Variants in CALD1 observed in about 807,000 individuals in gnomAD.
The protein encoded by CALD1 is caldesmon.
Under a neutral mutation model 99.9 loss-of-function variants are expected in CALD1, and 33 were observed. The ratio of observed to expected loss-of-function variants is 0.33; its 90% CI spans 0.25 to 0.44. CALD1 has a LOEUF of 0.44. Among genes scored for constraint, CALD1 ranks in the 20% least tolerant of loss-of-function variants. The probability of loss-of-function intolerance (pLI) is 1.00; values close to 1 mark genes in which losing one functional copy is unlikely to be tolerated. For missense variants in CALD1, 861 were observed against 962.1 expected (o/e 0.89, Z 1.39); for synonymous variants, 310 against 325.0 (o/e 0.95, Z 0.50).
chr7:134,943,796 CGTGT>C (rs893685099), intron 7 of CALD1, among the ~76,000 whole-genome samples: 2 of 152,046 alleles, frequency 1.3e-5, no homozygotes, highest in African/African-American at 4.8e-5. Flanking sequence ...GTAGTATATA[CGTGT>C]GTGAGTATAC....
intron 13 of CALD1, 139 bp from the exon 14 acceptor site, chr7:134,965,167 T>C: frequency 1.6e-6 from 1 of 636,114 alleles, no homozygotes; most frequent in Non-Finnish European, 2.9e-6. Flanking sequence ...GTCCTTTCAA[T>C]TCCATTTCAG....
chr7:134,767,271 G>A lies in CALD1; in HGVS notation c.-130+22908G>A, dbSNP rs1218932990. Reference sequence around the variant, plus strand: ...CAAACCTCAGCAGAGCTTGATCAGTGGTTAGACGCATCTATATCACACAGT... The same window carrying A: ...CAAACCTCAGCAGAGCTTGATCAGTAGTTAGACGCATCTATATCACACAGT... On this transcript the variant is annotated intron_variant, in intron 1 of 13. Transcript: ENST00000417172. Among the ~76,000 whole-genome samples, 4 of 151,968 alleles carry A rather than the reference G, an allele frequency of 2.6e-5. No homozygotes were observed. The East Asian group carries it at 7.7e-4, about 29-fold the overall frequency.
Position 134,779,745 on chromosome 7 carries a change from A to G in CALD1, c.-134A>G, listed in dbSNP as rs1350893844. On this transcript the variant is annotated 5_prime_UTR_variant, in exon 1 of 15. Coordinates refer to ENST00000361675, the MANE Select transcript of CALD1 (RefSeq NM_033138.4). ...AGTCCTCGGGAAGAAGTTTCAGACT[A>G]CAAGGTAAGGCACAGAAGGCTTTCT... 1.0e-5 allele frequency: 4 copies of G among 398,586 alleles called. No homozygotes were observed. The highest frequency in any genetic ancestry group is 1.3e-3 in the Middle Eastern group (2 of 1,590). The allele number at this position is 398,586 out of a possible 1,614,324, so 24.7% of individuals were successfully genotyped here. A position where few individuals can be genotyped will look rare whatever the true frequency, so the allele number is the denominator to read the frequency against.
chr7:134,964,122 G>A (rs1348519085), intron 13 of CALD1, among the ~76,000 whole-genome samples: 6 of 152,118 alleles, frequency 3.9e-5, no homozygotes, highest in Non-Finnish European at 7.4e-5. Context: ...GCTTGAACCC[G>A]GGAGTCGGAG....
chr7:134,846,934 G>A (rs1799875082), intron 2 of CALD1, among the ~76,000 whole-genome samples: 1 of 152,340 alleles, frequency 6.6e-6, no homozygotes, highest in South Asian at 2.1e-4. Flanking sequence ...AATGAGAAAT[G>A]TTGAAAGCAA....
Position 134,938,588 on chromosome 7 carries a change from T to C in CALD1, c.1387-2504T>C, listed in dbSNP as rs551996233. Among the ~76,000 whole-genome samples the C allele has an allele frequency of 3.9e-4, 59 of 152,290 alleles. 1 individual carries two copies. Among genetic ancestry groups the C allele is most frequent in the African/African-American group, 1.4e-3 (58 of 41,548 alleles). ...AGTCTGACCTATAAGATCTAATGCCTTTCCCAGGGGGCTCAGAATCCCATG... is the reference window on the plus strand; with the variant it reads ...AGTCTGACCTATAAGATCTAATGCCCTTCCCAGGGGGCTCAGAATCCCATG... On this transcript the variant is annotated intron_variant, in intron 6 of 14. Transcript: ENST00000361675.
the CALD1 span, among the ~76,000 whole-genome samples, chr7:134,716,957 A>G: frequency 6.6e-6 from 1 of 152,226 alleles, no homozygotes; most frequent in Non-Finnish European, 1.5e-5. Flanking sequence ...TCTCAAATAT[A>G]ACAAGGTTTG....
chr7:134,866,733 A>G (rs1800817509), intron 2 of CALD1: 1 of 152,112 alleles, frequency 6.6e-6, no homozygotes, highest in South Asian at 2.1e-4. Context: ...CTGTGATTCG[A>G]GCGCAGCAGA....
chr7:134,711,660 C>CTCTCTATATA, the CALD1 span, among the ~76,000 whole-genome samples: 104 of 78,304 alleles, frequency 1.3e-3, no homozygotes, highest in Middle Eastern at 5.7e-3. Flanking sequence ...CTCTCTCTCT[C>CTCTCTATATA]TATATATATA....
chr7:134,859,488 T>C (rs565578719), intron 2 of CALD1, among the ~76,000 whole-genome samples: 1 of 152,332 alleles, frequency 6.6e-6, no homozygotes, highest in South Asian at 2.1e-4. Flanking sequence ...GAAAAGTATT[T>C]AAATGCTTGA....
At chr7:134,854,657 T>TGG (rs1194344463) in intron 2 of CALD1, among the ~76,000 whole-genome samples, 1 of 152,204 alleles carries the variant, frequency 6.6e-6, no homozygotes, top group East Asian at 1.9e-4. Context: ...GTCATATAGC[T>TGG]GGCCCGGATT....
chr7:134,925,715 C>T (rs1804954892), intron 3 of CALD1, among the ~76,000 whole-genome samples: 1 of 152,198 alleles, frequency 6.6e-6, no homozygotes, highest in African/African-American at 2.4e-5. Flanking sequence ...CCACCACATT[C>T]CTTCCTCAAC....
intron 7 of CALD1, among the ~76,000 whole-genome samples, chr7:134,946,277 A>G (rs1336645969): frequency 7.9e-5 from 12 of 152,176 alleles, no homozygotes; most frequent in Admixed American, 7.9e-4. Context: ...AATAGTATTT[A>G]CCCATTTTTC....
At chr7:134,897,568 T>A (rs1802668063) in intron 3 of CALD1, among the ~76,000 whole-genome samples, 1 of 152,132 alleles carries the variant, frequency 6.6e-6, no homozygotes, top group Non-Finnish European at 1.5e-5. Context: ...CCACTGAACA[T>A]ATCACATGAC....
At chr7:134,733,926 GTATAA>G in the CALD1 span, among the ~76,000 whole-genome samples, 33 of 150,956 alleles carry the variant, frequency 2.2e-4, 1 homozygote, top group South Asian at 8.3e-4. Context: ...CCTTCAGTTT[GTATAA>G]TATAACTTAT....
At chr7:134,957,979 C>A in intron 9 of CALD1, 90 bp from the exon 10 acceptor site, 1 of 946,598 alleles carries the variant, frequency 1.1e-6, no homozygotes, top group Non-Finnish European at 1.7e-6. Context: ...GTGTGTTTAA[C>A]AGGTTCAGGG....
In CALD1 at chr7:134,960,084, C is replaced by G. The variant is rs369453250; in HGVS notation, c.2172C>G (p.Ser724=). ...GGGAGAAAGGGAATGTGTTTTCATC[C>G]CCCACTGCAGCAGGCACACCAAATA... ...SMWEKGNVFS[S]PTAAGTPNKE... The change falls in exon 12 of 15, where the codon TCC becomes TCG. Residue 724 remains serine (S), a synonymous_variant. Transcript: ENST00000361675. 2 of 1,614,118 alleles carry G rather than the reference C, an allele frequency of 1.2e-6. No individual in the cohort carries two copies. The highest frequency in any genetic ancestry group is 1.1e-5 in the South Asian group (1 of 91,074).
intron 4 of CALD1, 102 bp from the exon 5 acceptor site, chr7:134,932,886 A>G: frequency 1.4e-6 from 1 of 734,912 alleles, no homozygotes; most frequent in South Asian, 1.9e-5. Flanking sequence ...CAAGCTTGGC[A>G]CTACTGGCAT....
At chr7:134,886,089 C>T (rs1398453790) in intron 3 of CALD1, among the ~76,000 whole-genome samples, 1 of 152,130 alleles carries the variant, frequency 6.6e-6, no homozygotes, top group Non-Finnish European at 1.5e-5. Flanking sequence ...CTTAGAGAGT[C>T]GGCCTAAGTA....
Sources: allele counts gnomAD v4.1 joint callset (sites outside exome capture counted in the v4.1 genomes callset), GRCh38; gene constraint gnomAD v4.1.1; transcripts MANE v1.5; gene names NCBI Gene and HGNC (gene_info 2026-07-23, HGNC 2026-07-21).